Variants in NRG3 observed in about 807,000 individuals in gnomAD.
The protein encoded by NRG3 is pro-neuregulin-3, membrane-bound isoform.
NRG3 carries 31 observed loss-of-function variants against 66.9 expected under a neutral mutation model. The observed-to-expected ratio is 0.46, with a 90% CI of 0.35 to 0.63. The LOEUF is 0.63. Among genes scored for constraint, NRG3 ranks in the 20% least tolerant of loss-of-function variants. NRG3 has a pLI of 0.00. For missense variants in NRG3, 910 were observed against 878.9 expected (o/e 1.04, Z -0.45); for synonymous variants, 393 against 359.4 (o/e 1.09, Z -1.06).
chr10:82,018,842 C>T (rs1227361811), intron 1 of NRG3, among the ~76,000 whole-genome samples: 12 of 151,632 alleles, frequency 7.9e-5, no homozygotes, highest in East Asian at 1.9e-4. Context: ...TGGGCTGAGA[C>T]GATGGGGTTT....
At chr10:82,545,377 A>ATTTT (rs745968047) in intron 2 of NRG3, among the ~76,000 whole-genome samples, 3 of 130,960 alleles carry the variant, frequency 2.3e-5, no homozygotes, top group East Asian at 2.3e-4. Flanking sequence ...TGCTAATAGC[A>ATTTT]TTTTTTTTTT....
At chr10:81,928,355 C>T (rs1270281297) in intron 1 of NRG3, among the ~76,000 whole-genome samples, 1 of 152,180 alleles carries the variant, frequency 6.6e-6, no homozygotes, top group Non-Finnish European at 1.5e-5. Flanking sequence ...TCCTCTTTCT[C>T]AGGTAGTGCG....
intron 4 of NRG3, among the ~76,000 whole-genome samples, chr10:82,870,244 G>A (rs1278500521): frequency 6.6e-6 from 1 of 152,024 alleles, no homozygotes; most frequent in Non-Finnish European, 1.5e-5. Flanking sequence ...CTTTTGTACT[G>A]GCTTATTTCA....
rs761240667 is a variant in NRG3 at position 82,358,820 on chromosome 10, G to C, written c.905G>C (p.Gly302Ala). 2.7e-5 allele frequency: 43 copies of C among 1,614,048 alleles called. No individual in the cohort carries two copies. Among genetic ancestry groups the C allele is most frequent in the Admixed American group, 3.3e-5 (2 of 59,998 alleles). The change falls in exon 2 of 9, where the codon GGC becomes GCC. Residue 302 changes from glycine (G) to alanine (A), a missense_variant. Gly to Ala is a moderately conservative substitution (Grantham distance 60). Coordinates refer to ENST00000372141, the MANE Select transcript of NRG3 (RefSeq NM_001010848.4). ...DKDLAYCLND[G>A]ECFVIETLTG... ...GACCTTGCATACTGTCTCAATGATGGCGAGTGCTTTGTGATCGAAACCCTG... is the reference window on the plus strand; with the variant it reads ...GACCTTGCATACTGTCTCAATGATGCCGAGTGCTTTGTGATCGAAACCCTG...
intron 3 of NRG3, among the ~76,000 whole-genome samples, chr10:82,782,698 A>G (rs1042603613): frequency 1.3e-5 from 2 of 152,106 alleles, no homozygotes; most frequent in Non-Finnish European, 2.9e-5. Flanking sequence ...AGGGCTTAGA[A>G]AAAGACAAGA....
chr10:82,019,778 G>A (rs2061973430), intron 1 of NRG3, among the ~76,000 whole-genome samples: 1 of 152,098 alleles, frequency 6.6e-6, no homozygotes, highest in African/African-American at 2.4e-5. Context: ...GGGATCGGTG[G>A]TGATATCTCC....
rs201882406 is a variant in NRG3, at chr10:82,985,555, C to T, written c.2041C>T (p.Gln681Ter). The T allele has an allele frequency of 4.6e-5, 74 of 1,613,866 alleles. No homozygotes were observed. In the East Asian group the frequency reaches 1.6e-3, roughly 36 times the overall value. The change falls in exon 9 of 9, where the codon CAA becomes TAA. Residue 681 changes from glutamine to a stop codon, truncating the protein, a stop_gained. Transcript: ENST00000372141. LOFTEE classifies it high-confidence loss of function. ...SPTAKSEREA[Q>*]FVLRNEIQRD... ...CACAGCCAAATCAGAACGAGAGGCG[C>T]AATTTGTCTTAAGAAATGAAATACA...
intron 2 of NRG3, among the ~76,000 whole-genome samples, chr10:82,398,200 C>A (rs2086838918): frequency 6.6e-6 from 1 of 152,092 alleles, no homozygotes; most frequent in South Asian, 2.1e-4. Context: ...CCAGACTCAG[C>A]AGCAGTAGTC....
chr10:81,928,097 A>G (rs1846985329), intron 1 of NRG3, among the ~76,000 whole-genome samples: 1 of 152,224 alleles, frequency 6.6e-6, no homozygotes, highest in Middle Eastern at 3.2e-3. Flanking sequence ...TTAAAGAAAT[A>G]TATTGACCTC....
At chr10:82,091,958 G>A (rs2066051486) in intron 1 of NRG3, among the ~76,000 whole-genome samples, 1 of 152,160 alleles carries the variant, frequency 6.6e-6, no homozygotes, top group Non-Finnish European at 1.5e-5. Flanking sequence ...TGGAGAAATG[G>A]TGTGAAAGGG....
chr10:82,876,835 C>G (rs1841861348), intron 4 of NRG3, among the ~76,000 whole-genome samples: 1 of 151,878 alleles, frequency 6.6e-6, no homozygotes, highest in Admixed American at 6.6e-5. Flanking sequence ...CCAGCCTGAC[C>G]AAGATGGATG....
chr10:82,277,376 G>T (rs962932611), intron 1 of NRG3, among the ~76,000 whole-genome samples: 2 of 152,032 alleles, frequency 1.3e-5, no homozygotes, highest in African/African-American at 4.8e-5. Context: ...GGACTTCTAA[G>T]TTGGAAAACA....
intron 3 of NRG3, among the ~76,000 whole-genome samples, chr10:82,841,376 C>T (rs2063050112): frequency 6.6e-6 from 1 of 152,134 alleles, no homozygotes; most frequent in African/African-American, 2.4e-5. Context: ...TGCGTATCAG[C>T]GTTCTCTAGA....
Position 82,053,242 on chromosome 10 carries a change from C to T in NRG3, c.823+177079C>T, listed in dbSNP as rs144211374. The stretch of plus-strand genomic sequence containing the variant: ...ATAAATAATCTGATATTTCAGTAGT[C>T]CAACACATTAAAAGTTTGGTTCTCA... On this transcript the variant is annotated intron_variant, in intron 1 of 8. Coordinates refer to ENST00000372141, the MANE Select transcript of NRG3 (RefSeq NM_001010848.4). 6.6e-3 allele frequency among the ~76,000 whole-genome samples: 1,009 copies of T among 151,960 alleles called. 8 individuals carry two copies. Among genetic ancestry groups the T allele is most frequent in the African/African-American group, 0.023 (935 of 41,444 alleles).
chr10:82,800,941 A>C (rs559739451), intron 3 of NRG3, among the ~76,000 whole-genome samples: 1 of 152,312 alleles, frequency 6.6e-6, no homozygotes, highest in Admixed American at 6.5e-5. Context: ...AGACTGCCTA[A>C]TTAAGGGGAA....
At chr10:82,890,863 C>T (rs1049158210) in intron 4 of NRG3, among the ~76,000 whole-genome samples, 5 of 152,052 alleles carry the variant, frequency 3.3e-5, no homozygotes, top group African/African-American at 1.2e-4. Context: ...GTAGTGATAT[C>T]TTATTTGTCT....
intron 2 of NRG3, among the ~76,000 whole-genome samples, chr10:82,678,825 T>C (rs2053906009): frequency 2.0e-5 from 3 of 152,154 alleles, no homozygotes; most frequent in Admixed American, 2.0e-4. Context: ...TTTATGGAGC[T>C]CCTTTCCTCA....
intron 1 of NRG3, among the ~76,000 whole-genome samples, chr10:81,946,191 A>G (rs1034705272): frequency 6.6e-6 from 1 of 151,994 alleles, no homozygotes; most frequent in African/African-American, 2.4e-5. Flanking sequence ...TAAATTTTGT[A>G]CTTTTAGTAG....
intron 3 of NRG3, among the ~76,000 whole-genome samples, chr10:82,842,775 T>C (rs1326167002): frequency 6.6e-6 from 1 of 152,146 alleles, no homozygotes; most frequent in Non-Finnish European, 1.5e-5. Flanking sequence ...ACCAGAGTTG[T>C]AGTGGTGGTA....
Sources: allele counts gnomAD v4.1 joint callset (sites outside exome capture counted in the v4.1 genomes callset), GRCh38; gene constraint gnomAD v4.1.1; transcripts MANE v1.5; gene names NCBI Gene and HGNC (gene_info 2026-07-23, HGNC 2026-07-21).